The following SLC39A10 variants were observed in gnomAD, a reference collection of about 807,000 sequenced individuals.
SLC39A10 encodes zinc transporter ZIP10.
In SLC39A10, 13 loss-of-function variants were observed where a neutral mutation model predicts 65.1. The ratio of observed to expected loss-of-function variants is 0.20; its 90% CI spans 0.13 to 0.32. The LOEUF (loss-of-function observed/expected upper bound fraction) is 0.32, where lower values mean the gene tolerates loss of function less well. Ranked by LOEUF, SLC39A10 falls within the 10% of genes least tolerant of loss-of-function variation. SLC39A10 has a pLI of 1.00. For missense variants in SLC39A10, 831 were observed against 1,018.4 expected (o/e 0.82, Z 2.50); for synonymous variants, 321 against 342.2 (o/e 0.94, Z 0.68).
chr2:195,708,995 G>T, intron 5 of SLC39A10, 151 bp downstream of exon 5: 1 of 600,616 alleles, frequency 1.7e-6, no homozygotes, highest in African/African-American at 1.9e-5. Context: ...AGCTGACTTT[G>T]GTTTTTTAAA....
chr2:195,679,563 C>T (rs1474146434), intron 1 of SLC39A10, among the ~76,000 whole-genome samples: 1 of 152,140 alleles, frequency 6.6e-6, no homozygotes, highest in Non-Finnish European at 1.5e-5. Flanking sequence ...ATAGCTTATC[C>T]AGTCATAACA....
At chr2:195,616,156 T>C (rs1294316776) in intron 2 of SLC39A10, among the ~76,000 whole-genome samples, 3 of 152,136 alleles carry the variant, frequency 2.0e-5, no homozygotes, top group Non-Finnish European at 4.4e-5. Context: ...GTTTTCACCA[T>C]GTTGGCCAGG....
At chr2:195,723,460 C>T (rs748219860) in intron 8 of SLC39A10, among the ~76,000 whole-genome samples, 1 of 152,176 alleles carries the variant, frequency 6.6e-6, no homozygotes, top group African/African-American at 2.4e-5. Context: ...GGAAGACAGC[C>T]GCTTCCAGGT....
intron 5 of SLC39A10, among the ~76,000 whole-genome samples, chr2:195,710,281 A>G (rs1034085617): frequency 6.6e-6 from 1 of 152,170 alleles, no homozygotes; most frequent in Non-Finnish European, 1.5e-5. Flanking sequence ...TCTCACTAAC[A>G]TGTTTGTGAT....
intron 3 of SLC39A10, among the ~76,000 whole-genome samples, chr2:195,702,683 A>G (rs567436720): frequency 6.6e-6 from 1 of 152,316 alleles, no homozygotes; most frequent in South Asian, 2.1e-4. Context: ...CAATTCTTCA[A>G]AGAAATACTT....
At chr2:195,635,068 C>G (rs1009510434) in intron 2 of SLC39A10, among the ~76,000 whole-genome samples, 1 of 151,894 alleles carries the variant, frequency 6.6e-6, no homozygotes, top group African/African-American at 2.4e-5. Flanking sequence ...CAAAACAAAA[C>G]AAAAAACAAA....
intron 8 of SLC39A10, among the ~76,000 whole-genome samples, chr2:195,720,851 C>G (rs1197290366): frequency 2.0e-5 from 3 of 152,176 alleles, no homozygotes; most frequent in Admixed American, 6.5e-5. Context: ...TGTAGTATAT[C>G]ATTGCCAGAT....
In SLC39A10 at chr2:195,624,756, G is replaced by C. The variant is rs369089760; in HGVS notation, c.-12+18523G>C. Among the ~76,000 whole-genome samples, 12 of 151,918 alleles carry C rather than the reference G, an allele frequency of 7.9e-5. No individual in the cohort carries two copies. The East Asian group carries it at 1.2e-3, about 15-fold the overall frequency. ...CGGATGTGGTCGATGGCGGGCGCCT[G>C]TAATCCCAGCTACTCAGGAGCCTGA... On this transcript the variant is annotated intron_variant, in intron 2 of 2. Coordinates refer to the SLC39A10 transcript ENST00000458054.
chr2:195,685,787 G>T (rs1690502908), intron 3 of SLC39A10, among the ~76,000 whole-genome samples: 1 of 152,056 alleles, frequency 6.6e-6, no homozygotes, highest in Non-Finnish European at 1.5e-5. Flanking sequence ...GTTTTTGTTG[G>T]ACTTTAGTTG....
At chr2:195,732,699 A>T (rs1205014661) in intron 9 of SLC39A10, among the ~76,000 whole-genome samples, 3 of 152,228 alleles carry the variant, frequency 2.0e-5, no homozygotes, top group African/African-American at 7.2e-5. Context: ...TCTTACTAGA[A>T]CCATATGTAG....
intron 1 of SLC39A10, among the ~76,000 whole-genome samples, chr2:195,672,795 A>G (rs555768167): frequency 2.0e-5 from 3 of 152,202 alleles, no homozygotes; most frequent in Non-Finnish European, 4.4e-5. Context: ...CAGTGAGATA[A>G]CATGCATTAA....
At chr2:195,732,425 T>G (rs180825276) in intron 9 of SLC39A10, among the ~76,000 whole-genome samples, 1 of 152,326 alleles carries the variant, frequency 6.6e-6, no homozygotes. Context: ...TGTAATATTT[T>G]AAACAAATAT....
chr2:195,680,301 A>T lies in SLC39A10; in HGVS notation c.259A>T (p.Thr87Ser), dbSNP rs13419724. ...LSFFGLEKLL[T>S]NLGLGERKVV... is the part of the protein sequence containing the mutation. ...CTTTTTTGGTTTGGAGAAACTTTTA[A>T]CAAACTTGGGCCTTGGAGAGAGAAA... Residue 87 changes from threonine to serine, a missense_variant, in exon 2 of 10, where the codon ACA (threonine) becomes TCA (serine). By Grantham distance (58) the Thr-to-Ser change is moderately conservative (BLOSUM62 1). Transcript: ENST00000359634. The T allele has an allele frequency of 4.6e-3, 7,405 of 1,614,096 alleles. 234 individuals carry two copies. The African/African-American group carries it at 0.08, about 17-fold the overall frequency.
rs368333156 is a variant in SLC39A10 at position 195,735,118 on chromosome 2, T to C, written c.*77T>C. On this transcript the variant is annotated 3_prime_UTR_variant, in exon 10 of 10. Coordinates refer to ENST00000359634, the MANE Select transcript of SLC39A10 (RefSeq NM_020342.3). ...ATCTGTTCCTTGTACTGTATGCACATTGCTCAAAGGAAAGTCAGTGGCTTG... is the reference window on the plus strand; with the variant it reads ...ATCTGTTCCTTGTACTGTATGCACACTGCTCAAAGGAAAGTCAGTGGCTTG... 2 of 1,433,308 alleles carry C rather than the reference T, an allele frequency of 1.4e-6. No individual in the cohort carries two copies. The highest frequency in any genetic ancestry group is 1.9e-6 in the Non-Finnish European group (2 of 1,074,482). 88.8% of individuals were successfully genotyped at this position (1,433,308 alleles called of 1,614,324 possible).
intron 2 of SLC39A10, among the ~76,000 whole-genome samples, chr2:195,616,789 G>C (rs1688220416): frequency 6.6e-6 from 1 of 152,010 alleles, no homozygotes; most frequent in African/African-American, 2.4e-5. Flanking sequence ...ATTTTTAGTA[G>C]AGACGGGGTT....
intron 1 of SLC39A10, among the ~76,000 whole-genome samples, chr2:195,676,489 A>G (rs1215869415): frequency 6.6e-6 from 1 of 152,216 alleles, no homozygotes; most frequent in African/African-American, 2.4e-5. Context: ...AAAGACATAA[A>G]GACATTCTCT....
At chr2:195,732,107 C>T (rs758054747) in intron 9 of SLC39A10, among the ~76,000 whole-genome samples, 7 of 152,244 alleles carry the variant, frequency 4.6e-5, no homozygotes, top group African/African-American at 1.7e-4. Context: ...TCCATATTGT[C>T]GTCAGGTAGG....
intron 2 of SLC39A10, among the ~76,000 whole-genome samples, chr2:195,646,338 T>C (rs78653875): frequency 1.3e-5 from 2 of 152,224 alleles, no homozygotes; most frequent in Non-Finnish European, 2.9e-5. Context: ...CAACAATTTC[T>C]CTTTATCCAC....
At chr2:195,719,416 C>G (rs1300194188) in intron 8 of SLC39A10, among the ~76,000 whole-genome samples, 1 of 152,182 alleles carries the variant, frequency 6.6e-6, no homozygotes, top group African/African-American at 2.4e-5. Flanking sequence ...TTGGACACAG[C>G]ACGTGGCCTT....
Sources: allele counts gnomAD v4.1 joint callset (sites outside exome capture counted in the v4.1 genomes callset), GRCh38; gene constraint gnomAD v4.1.1; transcripts MANE v1.5; gene names NCBI Gene and HGNC (gene_info 2026-07-23, HGNC 2026-07-21).